ELF4: variants seen among roughly 807,000 people sequenced by gnomAD.
ELF4 encodes ETS-related transcription factor Elf-4.
Under a neutral mutation model 31.7 loss-of-function variants are expected in ELF4, and 10 were observed. The ratio of observed to expected loss-of-function variants is 0.32; its 90% CI spans 0.19 to 0.54. The LOEUF (loss-of-function observed/expected upper bound fraction) is 0.54. Among genes scored for constraint, ELF4 ranks in the 20% least tolerant of loss-of-function variants. The pLI, the probability that ELF4 is intolerant of heterozygous loss-of-function variation, is 0.95. For synonymous variants in ELF4, 208 were observed against 226.7 expected (o/e 0.92, Z 0.74); for missense variants, 418 against 522.0 (o/e 0.80, Z 1.94).
intron 1 of ELF4, among the ~76,000 whole-genome samples, chrX:130,097,034 CG>C (rs1933160438): frequency 9.3e-6 from 1 of 107,609 alleles, no homozygotes; most frequent in South Asian, 4.1e-4. Flanking sequence ...TGGTGGCTTG[CG>C]CCTGTAATCC....
chrX:130,070,068 G>T (rs1460185327), intron 7 of ELF4, among the ~76,000 whole-genome samples: 1 of 111,734 alleles, frequency 8.9e-6, no homozygotes, highest in Non-Finnish European at 1.9e-5. Flanking sequence ...CACCTCCCCG[G>T]GTCTCTGGCT....
chrX:130,111,298 A>T (rs1648581153), upstream of ELF4, among the ~76,000 whole-genome samples: 1 of 111,409 alleles, frequency 9.0e-6, no homozygotes, highest in African/African-American at 3.3e-5. Flanking sequence ...GCCCCCATAC[A>T]ACGCCCCGCA....
At position 130,065,038 on chromosome X, in the gene ELF4, G is replaced by A. The variant is rs1603194185; in HGVS notation, c.*1683C>T. On this transcript the variant is annotated 3_prime_UTR_variant, in exon 9 of 9. Transcript: ENST00000308167. The stretch of plus-strand genomic sequence containing the variant: ...AAACACAGTGCCCTCCAGGGGGCAG[G>A]GAGAAGAAGAGTAGGAGAGGGTGAT... 1 of 173,780 alleles carries A rather than the reference G, an allele frequency of 5.8e-6. No individual in the cohort carries two copies. Among genetic ancestry groups the A allele is most frequent in the African/African-American group, 2.9e-5 (1 of 34,369 alleles). 14.3% of individuals were successfully genotyped at this position (173,780 alleles called of 1,213,427 possible).
chrX:130,073,352 G>A (rs1932805113), intron 4 of ELF4, among the ~76,000 whole-genome samples: 1 of 111,626 alleles, frequency 9.0e-6, no homozygotes, highest in African/African-American at 3.3e-5. Context: ...CTCCCAAAGT[G>A]CTGGGATTAC....
At chrX:130,096,445 A>G (rs185411996) in intron 1 of ELF4, among the ~76,000 whole-genome samples, 72 of 110,932 alleles carry the variant, frequency 6.5e-4, no homozygotes, top group African/African-American at 2.3e-3. Context: ...CAGCTTCCCA[A>G]AGTGCTGAGG....
intron 1 of ELF4, among the ~76,000 whole-genome samples, chrX:130,098,173 G>A (rs1165405235): frequency 8.9e-6 from 1 of 112,138 alleles, no homozygotes; most frequent in Non-Finnish European, 1.9e-5. Flanking sequence ...CGCAGTGCCT[G>A]GGGCCCTGCC....
intron 1 of ELF4, among the ~76,000 whole-genome samples, chrX:130,106,056 A>T (rs1412245153): frequency 9.0e-6 from 1 of 111,227 alleles, no homozygotes; most frequent in Non-Finnish European, 1.9e-5. Context: ...CCAAACAATC[A>T]TCCAGGCTTC....
intron 2 of ELF4, 89 bp downstream of exon 2, chrX:130,081,167 C>G: frequency 9.6e-7 from 1 of 1,043,738 alleles, no homozygotes; most frequent in Non-Finnish European, 1.3e-6. Flanking sequence ...AGCTGTGCAG[C>G]CAGCTGGCTC....
intron 1 of ELF4, among the ~76,000 whole-genome samples, chrX:130,107,111 A>G (rs1365144716): frequency 9.0e-6 from 1 of 111,192 alleles, no homozygotes; most frequent in Non-Finnish European, 1.9e-5. Context: ...CCCCGTCTCT[A>G]CTAAAATATA....
intron 5 of ELF4, 98 bp from the exon 6 acceptor site, chrX:130,071,517 G>C: frequency 1.2e-6 from 1 of 861,460 alleles, no homozygotes; most frequent in Non-Finnish European, 1.7e-6. Context: ...GAGGAGGCAG[G>C]TCACCAGGGC....
At chrX:130,107,715 T>C (rs1933400955) in intron 1 of ELF4, among the ~76,000 whole-genome samples, 1 of 112,645 alleles carries the variant, frequency 8.9e-6, no homozygotes, top group Admixed American at 9.4e-5. Flanking sequence ...GGCAATATCG[T>C]AAGGGCAGCT....
At chrX:130,097,658 A>G (rs1933174724) in intron 1 of ELF4, among the ~76,000 whole-genome samples, 1 of 112,150 alleles carries the variant, frequency 8.9e-6, no homozygotes, top group South Asian at 3.7e-4. Context: ...TGTCTCCATG[A>G]GGGGCAGCTC....
chrX:130,082,805 C>T (rs1953500112), intron 1 of ELF4, among the ~76,000 whole-genome samples: 1 of 111,633 alleles, frequency 9.0e-6, no homozygotes, highest in Admixed American at 9.5e-5. Context: ...CTTTGGTCCC[C>T]TGGGCTCGGT....
intron 1 of ELF4, among the ~76,000 whole-genome samples, chrX:130,091,723 A>C (rs1933060142): frequency 9.0e-6 from 1 of 111,666 alleles, no homozygotes; most frequent in Non-Finnish European, 1.9e-5. Context: ...AGGAGACGTG[A>C]GTTCTGCCCA....
chrX:130,078,762 TACACACACACACACAC>T (rs530565075), intron 2 of ELF4, among the ~76,000 whole-genome samples: 91 of 84,880 alleles, frequency 1.1e-3, no homozygotes, highest in African/African-American at 1.8e-3. Flanking sequence ...TCTCTCTCTC[TACACACACACACACAC>T]ACACACACAC....
rs1932607606 is a variant in ELF4 at position 130,063,972 on chromosome X, T to TATTA, written c.*2748_*2749insTAAT. 1.1e-5 allele frequency among the ~76,000 whole-genome samples: 1 copy of TATTA among 93,325 alleles called. No homozygotes were observed. The highest frequency in any genetic ancestry group is 1.2e-4 in the Admixed American group (1 of 8,097). 81.0% of individuals were successfully genotyped at this position (93,325 alleles called of 115,157 possible). On this transcript the variant is annotated 3_prime_UTR_variant, in exon 9 of 9. Transcript: ENST00000308167. Reference sequence around the variant, plus strand: ...TGACGGCCTTTTTGTTTGCTTGATTTTTATTATTATTATTATTATTATTAT... The same window carrying TATTA: ...TGACGGCCTTTTTGTTTGCTTGATTTATTATTATTATTATTATTATTATTATTAT...
intron 1 of ELF4, among the ~76,000 whole-genome samples, chrX:130,108,569 T>C (rs1409229807): frequency 9.9e-5 from 11 of 110,959 alleles, no homozygotes; most frequent in Non-Finnish European, 3.8e-5. Context: ...CAGCACCCTC[T>C]ATTTTAGATC....
In ELF4 at chrX:130,069,502, G is replaced by A. The variant is rs991949946; in HGVS notation, c.985C>T (p.Arg329Ter). 2 of 1,211,349 alleles carry A rather than the reference G, an allele frequency of 1.7e-6. No homozygotes were observed. Among genetic ancestry groups the A allele is most frequent in the Non-Finnish European group, 2.2e-6 (2 of 895,484 alleles). The change falls in exon 8 of 9, where the codon CGA (arginine) becomes TGA (stop). Residue 329 changes from arginine (R) to a stop codon, truncating the protein, a stop_gained. Coordinates refer to ENST00000308167, the MANE Select transcript of ELF4 (RefSeq NM_001421.4). LOFTEE classifies it high-confidence loss of function. ...ASVASASTTR[R>*]TSSRVSSRSA... Reference sequence around the variant, plus strand: ...CTGGATGAGACCCTGGAGCTGGTTCGCCGGGTGGTACTGGCAGAGGCCACA... The same window carrying A: ...CTGGATGAGACCCTGGAGCTGGTTCACCGGGTGGTACTGGCAGAGGCCACA...
chrX:130,085,090 G>A (rs1884607025), intron 1 of ELF4, among the ~76,000 whole-genome samples: 1 of 112,001 alleles, frequency 8.9e-6, no homozygotes, highest in African/African-American at 3.2e-5. Flanking sequence ...AACTGGTGGT[G>A]AATTCCCCTA....
Sources: gnomAD v4.1 joint callset for allele counts (sites outside exome capture counted in the v4.1 genomes callset) on GRCh38, gnomAD v4.1.1 for gene constraint, MANE v1.5 for transcripts, NCBI Gene and HGNC (gene_info 2026-07-23, HGNC 2026-07-21) for gene names.